The following ULK4 variants were observed in gnomAD, a reference collection of about 807,000 sequenced individuals.
The protein encoded by ULK4 is unc-51 like kinase 4, also known as inactive serine/threonine-protein kinase ULK4.
Under a neutral mutation model 160.6 loss-of-function variants are expected in ULK4, and 133 were observed. That is an observed-to-expected ratio of 0.83 (90% CI 0.72 to 0.96). The LOEUF (loss-of-function observed/expected upper bound fraction) is 0.96, where lower values mean the gene tolerates loss of function less well. Ranked by LOEUF, ULK4 falls within the 40% of genes least tolerant of loss-of-function variation. The pLI is 0.00. For synonymous variants in ULK4, 534 were observed against 539.8 expected (o/e 0.99, Z 0.15); for missense variants, 1,580 against 1,499.5 (o/e 1.05, Z -0.89).
At chr3:41,892,051 A>AT (rs766880202) in intron 16 of ULK4, among the ~76,000 whole-genome samples, 1 of 152,226 alleles carries the variant, frequency 6.6e-6, no homozygotes, top group Non-Finnish European at 1.5e-5. Flanking sequence ...TAAAACTCTT[A>AT]TTTGAAAAAT....
intron 34 of ULK4, among the ~76,000 whole-genome samples, chr3:41,424,247 G>T (rs535092060): frequency 6.6e-6 from 1 of 152,300 alleles, no homozygotes; most frequent in Admixed American, 6.5e-5. Context: ...CCAGGCAGGG[G>T]TTTGGGGACA....
intron 21 of ULK4, among the ~76,000 whole-genome samples, chr3:41,769,735 T>C (rs1484051651): frequency 6.6e-6 from 1 of 152,188 alleles, no homozygotes; most frequent in Non-Finnish European, 1.5e-5. Context: ...TATTTCACTA[T>C]CAAAATTAAG....
chr3:41,961,480 A>G (rs1269568308), intron 1 of ULK4, among the ~76,000 whole-genome samples: 1 of 146,534 alleles, frequency 6.8e-6, no homozygotes, highest in African/African-American at 2.6e-5. Context: ...TAAGCACTCC[A>G]TAGGTGCTCC....
intron 18 of ULK4, among the ~76,000 whole-genome samples, chr3:41,835,167 G>C (rs1301650557): frequency 6.6e-6 from 1 of 152,084 alleles, no homozygotes; most frequent in Non-Finnish European, 1.5e-5. Context: ...CCATGATCAT[G>C]CTATCACACT....
chr3:41,886,456 C>A (rs1331991559), intron 16 of ULK4, among the ~76,000 whole-genome samples: 1 of 151,916 alleles, frequency 6.6e-6, no homozygotes. Flanking sequence ...CTGTACAAGG[C>A]AAACAAAAGG....
chr3:41,812,668 T>C (rs1212399760), intron 19 of ULK4, among the ~76,000 whole-genome samples: 1 of 152,114 alleles, frequency 6.6e-6, no homozygotes, highest in African/African-American at 2.4e-5. Flanking sequence ...AACAAAAACA[T>C]GTGCCAATGA....
chr3:41,484,835 T>A (rs528760214), intron 32 of ULK4, among the ~76,000 whole-genome samples: 1 of 152,320 alleles, frequency 6.6e-6, no homozygotes, highest in East Asian at 1.9e-4. Flanking sequence ...TTCTTTCCAC[T>A]CTGATACTTT....
At chr3:41,670,593 A>C (rs574475713) in intron 29 of ULK4, among the ~76,000 whole-genome samples, 3 of 152,054 alleles carry the variant, frequency 2.0e-5, no homozygotes, top group African/African-American at 7.2e-5. Context: ...ATACATACAC[A>C]TATACATATA....
chr3:41,842,149 A>T (rs1252489081), intron 17 of ULK4, among the ~76,000 whole-genome samples: 4 of 151,320 alleles, frequency 2.6e-5, no homozygotes, highest in Non-Finnish European at 5.9e-5. Context: ...CAAAAAAAAA[A>T]AAAAGAAAAT....
chr3:41,404,019 G>T (rs961892238), intron 34 of ULK4, among the ~76,000 whole-genome samples: 3 of 152,016 alleles, frequency 2.0e-5, no homozygotes, highest in Non-Finnish European at 4.4e-5. Context: ...CAGTCTATTA[G>T]TGGTGAGTGT....
At chr3:41,866,255 G>A (rs1321163531) in intron 17 of ULK4, among the ~76,000 whole-genome samples, 1 of 152,152 alleles carries the variant, frequency 6.6e-6, no homozygotes, top group Non-Finnish European at 1.5e-5. Context: ...ATGCTGTGTT[G>A]CTTGTCTTGT....
At chr3:41,701,834 A>C (rs1375727365) in intron 27 of ULK4, among the ~76,000 whole-genome samples, 3 of 152,146 alleles carry the variant, frequency 2.0e-5, no homozygotes, top group Non-Finnish European at 4.4e-5. Flanking sequence ...AAAGAAAAGA[A>C]AGTTTCTTTT....
intron 34 of ULK4, among the ~76,000 whole-genome samples, chr3:41,453,094 T>A (rs1272850356): frequency 6.6e-6 from 1 of 152,184 alleles, no homozygotes; most frequent in Non-Finnish European, 1.5e-5. Flanking sequence ...AAGGGCTAAG[T>A]AAGATCAAAG....
intron 32 of ULK4, among the ~76,000 whole-genome samples, chr3:41,529,963 T>C (rs1037886964): frequency 6.6e-6 from 1 of 152,138 alleles, no homozygotes; most frequent in Non-Finnish European, 1.5e-5. Context: ...TGCCAGCAAC[T>C]GGGAAAGGAG....
intron 35 of ULK4, among the ~76,000 whole-genome samples, chr3:41,381,240 C>A (rs1287199865): frequency 6.6e-6 from 1 of 152,150 alleles, no homozygotes; most frequent in East Asian, 1.9e-4. Flanking sequence ...CTCCAGTGAT[C>A]TTGTCGTCCT....
At chr3:41,747,058 A>AT (rs1198537451) in intron 22 of ULK4, among the ~76,000 whole-genome samples, 1 of 152,122 alleles carries the variant, frequency 6.6e-6, no homozygotes, top group East Asian at 1.9e-4. Flanking sequence ...CATAAACAAT[A>AT]TTTTTTAAAA....
intron 35 of ULK4, among the ~76,000 whole-genome samples, chr3:41,311,118 T>A (rs1055388132): frequency 3.9e-5 from 6 of 152,216 alleles, no homozygotes; most frequent in Non-Finnish European, 7.3e-5. Context: ...AGTACTCAGG[T>A]ATTTTGCCAA....
chr3:41,740,392 A>G (rs1342984482), intron 22 of ULK4, among the ~76,000 whole-genome samples: 2 of 151,938 alleles, frequency 1.3e-5, no homozygotes, highest in Non-Finnish European at 2.9e-5. Flanking sequence ...CGGCAAACCT[A>G]TACAATCAGC....
intron 11 of ULK4, among the ~76,000 whole-genome samples, chr3:41,908,776 T>C (rs1033915713): frequency 1.3e-5 from 2 of 151,994 alleles, no homozygotes; most frequent in Admixed American, 1.3e-4. Flanking sequence ...ATCCTTCCCA[T>C]CAGATCATTA....
Sources: allele counts gnomAD v4.1 joint callset (sites outside exome capture counted in the v4.1 genomes callset), GRCh38; gene constraint gnomAD v4.1.1; transcripts MANE v1.5; gene names NCBI Gene and HGNC (gene_info 2026-07-23, HGNC 2026-07-21).